Variants in PTPRT observed in about 807,000 individuals in gnomAD.
The protein encoded by PTPRT is receptor-type tyrosine-protein phosphatase T.
In PTPRT, 56 loss-of-function variants were observed where a neutral mutation model predicts 176.8. The ratio of observed to expected loss-of-function variants is 0.32; its 90% CI spans 0.26 to 0.40. The LOEUF (loss-of-function observed/expected upper bound fraction) is 0.40, where lower values mean the gene tolerates loss of function less well. Ranked by LOEUF, PTPRT falls within the 10% of genes least tolerant of loss-of-function variation. The pLI, the probability that PTPRT is intolerant of heterozygous loss-of-function variation, is 1.00. For missense variants in PTPRT, 1,540 were observed against 1,908.2 expected (o/e 0.81, Z 3.60); for synonymous variants, 783 against 739.0 (o/e 1.06, Z -0.96).
intron 1 of PTPRT, among the ~76,000 whole-genome samples, chr20:43,088,326 GCTTT>G (rs2011686556): frequency 7.5e-6 from 1 of 132,864 alleles, no homozygotes; most frequent in East Asian, 2.3e-4. Flanking sequence ...GTTTTGTTTT[GCTTT>G]GGGGTGTGTG....
chr20:42,353,435 T>C (rs548018961), intron 9 of PTPRT, among the ~76,000 whole-genome samples: 2 of 152,216 alleles, frequency 1.3e-5, no homozygotes, highest in African/African-American at 4.8e-5. Context: ...TATATGGAGA[T>C]AGTTTGTCTA....
At chr20:42,644,859 A>C (rs1253733076) in intron 7 of PTPRT, among the ~76,000 whole-genome samples, 1 of 152,172 alleles carries the variant, frequency 6.6e-6, no homozygotes, top group Non-Finnish European at 1.5e-5. Context: ...TATTGCACAG[A>C]TTACTAAGTA....
intron 16 of PTPRT, among the ~76,000 whole-genome samples, chr20:42,180,733 G>C (rs900429181): frequency 1.6e-4 from 25 of 152,180 alleles, no homozygotes; most frequent in African/African-American, 6.0e-4. Flanking sequence ...TGCAATCTTA[G>C]AAATCAGTGG....
chr20:42,494,177 G>GA lies in PTPRT; in HGVS notation c.1154-21616dup, dbSNP rs563242331. On this transcript the variant is annotated intron_variant, in intron 7 of 30. Transcript: ENST00000373187. Reference sequence around the variant, plus strand: ...TAAATGGCTGTATATTATGGTTAGAGACCTCTGGAGAAATAATGATGAGAT... The same window carrying GA: ...TAAATGGCTGTATATTATGGTTAGAGAACCTCTGGAGAAATAATGATGAGAT... 2.1e-4 allele frequency among the ~76,000 whole-genome samples: 32 copies of GA among 152,206 alleles called. No individual in the cohort carries two copies. In the East Asian group the frequency reaches 4.0e-3, roughly 19 times the overall value.
At chr20:42,568,600 A>G (rs889406267) in intron 7 of PTPRT, among the ~76,000 whole-genome samples, 1 of 152,302 alleles carries the variant, frequency 6.6e-6, no homozygotes, top group South Asian at 2.1e-4. Flanking sequence ...GCTCTCAAAT[A>G]AAAGCTGAAT....
intron 15 of PTPRT, among the ~76,000 whole-genome samples, chr20:42,222,237 G>A (rs991187190): frequency 6.6e-5 from 10 of 152,116 alleles, no homozygotes; most frequent in African/African-American, 2.2e-4. Flanking sequence ...TATGACCTGT[G>A]CCCCTGCTCA....
chr20:42,934,421 C>T (rs1980047969), intron 1 of PTPRT, among the ~76,000 whole-genome samples: 1 of 152,162 alleles, frequency 6.6e-6, no homozygotes, highest in Non-Finnish European at 1.5e-5. Context: ...AAACAGTATA[C>T]ATTTATTATC....
intron 6 of PTPRT, among the ~76,000 whole-genome samples, chr20:42,735,569 A>G (rs756888191): frequency 2.0e-5 from 3 of 152,214 alleles, no homozygotes; most frequent in African/African-American, 7.2e-5. Context: ...TAACTCCAAA[A>G]ATAGTCTTTT....
intron 1 of PTPRT, among the ~76,000 whole-genome samples, chr20:42,894,883 G>A (rs1313601065): frequency 6.6e-6 from 1 of 152,146 alleles, no homozygotes; most frequent in Non-Finnish European, 1.5e-5. Flanking sequence ...TGGAGTAGGG[G>A]GCTTAAAGTC....
chr20:42,576,943 C>T (rs558087455), intron 7 of PTPRT, among the ~76,000 whole-genome samples: 12 of 152,158 alleles, frequency 7.9e-5, no homozygotes, highest in African/African-American at 2.9e-4. Context: ...GAAGACAGTC[C>T]ATTTTGATAC....
chr20:42,054,716 T>C, the PTPRT span, among the ~76,000 whole-genome samples: 1 of 152,196 alleles, frequency 6.6e-6, no homozygotes, highest in Non-Finnish European at 1.5e-5. Context: ...TTCTCTCTCT[T>C]TGGGATTCCA....
intron 8 of PTPRT, among the ~76,000 whole-genome samples, chr20:42,449,160 C>T (rs1035572072): frequency 1.3e-5 from 2 of 152,182 alleles, no homozygotes; most frequent in Non-Finnish European, 2.9e-5. Context: ...TTAGAAGAAG[C>T]TCGCCTTGCT....
chr20:43,032,088 C>G (rs1481115714), intron 1 of PTPRT, among the ~76,000 whole-genome samples: 2 of 152,162 alleles, frequency 1.3e-5, no homozygotes, highest in African/African-American at 4.8e-5. Context: ...CCCATACCAC[C>G]CCATTATCAC....
At chr20:42,629,026 C>A (rs924056815) in intron 7 of PTPRT, among the ~76,000 whole-genome samples, 1 of 152,176 alleles carries the variant, frequency 6.6e-6, no homozygotes, top group African/African-American at 2.4e-5. Flanking sequence ...CTGTGTCATG[C>A]AACAGAAGTA....
At position 42,866,648 on chromosome 20, in the gene PTPRT, T is replaced by C. The variant is rs143755070; in HGVS notation, c.214+19159A>G. ...CTCTGATGAATCCTCACTCTTATCA[T>C]GCAACATCCTTCAAGTTGTGGCCCC... On this transcript the variant is annotated intron_variant, in intron 2 of 30. Transcript: ENST00000373187. Among the ~76,000 whole-genome samples, 453 of 152,300 alleles carry C rather than the reference T, an allele frequency of 3.0e-3. 3 individuals carry two copies. The highest frequency in any genetic ancestry group is 0.01 in the African/African-American group (429 of 41,564).
intron 23 of PTPRT, among the ~76,000 whole-genome samples, chr20:42,107,201 C>G (rs966509915): frequency 6.7e-6 from 1 of 149,444 alleles, no homozygotes; most frequent in African/African-American, 2.4e-5. Flanking sequence ...TATGTCTTTC[C>G]TATTTTCTAC....
chr20:43,100,853 A>G (rs1038495393), intron 1 of PTPRT, among the ~76,000 whole-genome samples: 17 of 151,138 alleles, frequency 1.1e-4, no homozygotes, highest in African/African-American at 3.9e-4. Context: ...TCCCATGCAA[A>G]TACACATAAA....
intron 7 of PTPRT, among the ~76,000 whole-genome samples, chr20:42,587,088 A>G (rs904503597): frequency 2.6e-5 from 4 of 152,146 alleles, no homozygotes; most frequent in Admixed American, 2.0e-4. Context: ...TTCAGCACCA[A>G]TGCAAGATCC....
At chr20:42,407,916 A>G (rs1217863797) in intron 9 of PTPRT, among the ~76,000 whole-genome samples, 1 of 152,152 alleles carries the variant, frequency 6.6e-6, no homozygotes, top group Non-Finnish European at 1.5e-5. Flanking sequence ...GAGACAAGGA[A>G]AAAATACATT....
Sources: allele counts gnomAD v4.1 joint callset (sites outside exome capture counted in the v4.1 genomes callset), GRCh38; gene constraint gnomAD v4.1.1; transcripts MANE v1.5; gene names NCBI Gene and HGNC (gene_info 2026-07-23, HGNC 2026-07-21).